SHANK2: variants seen among roughly 807,000 people sequenced by gnomAD.
SHANK2 encodes the protein SH3 and multiple ankyrin repeat domains 2, also known as SH3 and multiple ankyrin repeat domains protein 2.
SHANK2 carries 43 observed loss-of-function variants against 133.7 expected under a neutral mutation model. The ratio of observed to expected loss-of-function variants is 0.32; its 90% CI spans 0.25 to 0.41. The LOEUF is 0.41. Ranked by LOEUF, SHANK2 falls within the 10% of genes least tolerant of loss-of-function variation. The pLI, the probability that SHANK2 is intolerant of heterozygous loss-of-function variation, is 1.00. For synonymous variants in SHANK2, 1,017 were observed against 952.8 expected, an observed-to-expected ratio of 1.07 and a Z score of -1.24; for missense variants, 1,994 against 2,235.8, an observed-to-expected ratio of 0.89 and a Z score of 2.18.
intron 2 of SHANK2, among the ~76,000 whole-genome samples, chr11:71,191,497 T>A (rs1953792341): frequency 6.6e-6 from 1 of 151,820 alleles, no homozygotes; most frequent in African/African-American, 2.4e-5. Flanking sequence ...GCATCCCTCA[T>A]AGGGTCATCC....
chr11:70,600,755 A>G (rs1246450730), intron 17 of SHANK2, among the ~76,000 whole-genome samples: 2 of 152,140 alleles, frequency 1.3e-5, no homozygotes, highest in African/African-American at 4.8e-5. Context: ...GTGAAATTAG[A>G]TCCATGCCTC....
At chr11:70,759,407 G>A (rs902729216) in intron 14 of SHANK2, among the ~76,000 whole-genome samples, 6 of 151,184 alleles carry the variant, frequency 4.0e-5, no homozygotes, top group Admixed American at 6.6e-5. Context: ...GCTAGAACCC[G>A]GGAGGCGGAG....
intron 10 of SHANK2, among the ~76,000 whole-genome samples, chr11:70,949,273 C>A (rs1432689979): frequency 1.3e-5 from 2 of 152,258 alleles, no homozygotes; most frequent in Non-Finnish European, 2.9e-5. Flanking sequence ...GCCCACAGAA[C>A]ACAGGCAGCG....
At chr11:70,864,584 T>A (rs1450314647) in intron 11 of SHANK2, 1 of 152,252 alleles carries the variant, frequency 6.6e-6, no homozygotes, top group Non-Finnish European at 1.5e-5. Context: ...TCTATTCTTG[T>A]AATGAACCAA....
At chr11:70,762,896 GGA>G (rs781958490) in intron 14 of SHANK2, among the ~76,000 whole-genome samples, 1 of 152,222 alleles carries the variant, frequency 6.6e-6, no homozygotes, top group East Asian at 1.9e-4. Flanking sequence ...AATGGAGGCG[GGA>G]GAGATGCTGT....
chr11:70,548,849 C>T lies in SHANK2; in HGVS notation c.2062-45918G>A, dbSNP rs1283571562. Among the ~76,000 whole-genome samples, 7 of 152,150 alleles carry T rather than the reference C, an allele frequency of 4.6e-5. No individual in the cohort carries two copies. The South Asian group carries it at 6.2e-4, about 14-fold the overall frequency. The stretch of plus-strand genomic sequence containing the variant: ...CTCAAACAAGAGGACAATGTGGACA[C>T]GCATGGTGGGAAGGAGGCCAGGTGA... On this transcript the variant is annotated intron_variant, in intron 17 of 25. Coordinates refer to ENST00000601538, the MANE Select transcript of SHANK2 (RefSeq NM_012309.5).
intron 3 of SHANK2, among the ~76,000 whole-genome samples, chr11:71,145,421 C>T (rs1369432234): frequency 6.6e-6 from 1 of 152,242 alleles, no homozygotes; most frequent in Admixed American, 6.5e-5. Context: ...TTGGGTTGGA[C>T]AAGTTTGTCC....
At chr11:71,250,142 T>G (rs1948155587) in intron 1 of SHANK2, among the ~76,000 whole-genome samples, 1 of 151,708 alleles carries the variant, frequency 6.6e-6, no homozygotes, top group African/African-American at 2.4e-5. Context: ...GGGAATCTAA[T>G]TTGTTAAAAG....
intron 11 of SHANK2, among the ~76,000 whole-genome samples, chr11:70,892,114 G>GCACCGTCA (rs1227491858): frequency 6.6e-6 from 1 of 152,178 alleles, no homozygotes; most frequent in South Asian, 2.1e-4. Context: ...CTGCCAGGCA[G>GCACCGTCA]CACCGTCACA....
intron 14 of SHANK2, among the ~76,000 whole-genome samples, chr11:70,788,113 G>A (rs890373249): frequency 2.0e-5 from 3 of 152,204 alleles, no homozygotes; most frequent in Non-Finnish European, 4.4e-5. Flanking sequence ...TATGGCTCCC[G>A]AGGGAGAGCA....
intron 3 of SHANK2, among the ~76,000 whole-genome samples, chr11:71,145,467 G>C (rs1482747952): frequency 6.6e-6 from 1 of 152,228 alleles, no homozygotes; most frequent in Non-Finnish European, 1.5e-5. Context: ...TTCATCCCTA[G>C]AGGGCACGTG....
Position 70,867,973 on chromosome 11 carries a change from G to C in SHANK2, c.1174+28528C>G, listed in dbSNP as rs1487847923. On this transcript the variant is annotated intron_variant, in intron 11 of 25. Coordinates refer to ENST00000601538, the MANE Select transcript of SHANK2 (RefSeq NM_012309.5). Reference sequence around the variant, plus strand: ...CACTGACTGTGCCTCCCTCTAAATTGATCAGTGTCAATTCTGGGCAAATAA... The same window carrying C: ...CACTGACTGTGCCTCCCTCTAAATTCATCAGTGTCAATTCTGGGCAAATAA... Among the ~76,000 whole-genome samples the C allele has an allele frequency of 2.0e-5, 3 of 152,226 alleles. No individual in the cohort carries two copies. In the East Asian group the frequency reaches 5.8e-4, roughly 29 times the overall value.
At chr11:70,663,401 G>A (rs551100467) in intron 15 of SHANK2, among the ~76,000 whole-genome samples, 6 of 152,246 alleles carry the variant, frequency 3.9e-5, no homozygotes, top group South Asian at 2.1e-4. Flanking sequence ...GACGAGCAGC[G>A]GCCCCTCGAT....
At chr11:70,516,745 C>G (rs1422809098) in intron 17 of SHANK2, among the ~76,000 whole-genome samples, 1 of 152,186 alleles carries the variant, frequency 6.6e-6, no homozygotes, top group Non-Finnish European at 1.5e-5. Flanking sequence ...AGAAAGAACT[C>G]TTACATCTCA....
intron 7 of SHANK2, among the ~76,000 whole-genome samples, chr11:71,093,933 G>C (rs1313589216): frequency 6.6e-6 from 1 of 152,152 alleles, no homozygotes; most frequent in Non-Finnish European, 1.5e-5. Context: ...GCACCACCCT[G>C]TCCAGAGGCG....
chr11:71,058,820 C>T (rs1950952406), intron 9 of SHANK2, among the ~76,000 whole-genome samples: 1 of 152,388 alleles, frequency 6.6e-6, no homozygotes, highest in East Asian at 1.9e-4. Context: ...TCAGAGACCC[C>T]AGCCCGGGCC....
chr11:70,611,917 G>C (rs371141800), intron 17 of SHANK2, among the ~76,000 whole-genome samples: 1 of 133,042 alleles, frequency 7.5e-6, no homozygotes, highest in East Asian at 2.6e-4. Flanking sequence ...TGCTGAAAGG[G>C]AACGAGAAGC....
intron 14 of SHANK2, among the ~76,000 whole-genome samples, chr11:70,751,124 A>G (rs1278115577): frequency 6.6e-6 from 1 of 152,240 alleles, no homozygotes; most frequent in Non-Finnish European, 1.5e-5. Flanking sequence ...GATCCATAGA[A>G]ATTATCCAAT....
intron 17 of SHANK2, among the ~76,000 whole-genome samples, chr11:70,506,413 T>C (rs994804263): frequency 4.6e-5 from 7 of 152,078 alleles, no homozygotes; most frequent in African/African-American, 1.7e-4. Flanking sequence ...CTGCAGCAAA[T>C]GGCAGGACCT....
Sources: gnomAD v4.1 joint callset for allele counts (sites outside exome capture counted in the v4.1 genomes callset) on GRCh38, gnomAD v4.1.1 for gene constraint, MANE v1.5 for transcripts, NCBI Gene and HGNC (gene_info 2026-07-23, HGNC 2026-07-21) for gene names.